Variants in CDH3 observed in about 807,000 individuals in gnomAD.
CDH3 encodes cadherin 3.
CDH3 carries 54 observed loss-of-function variants against 82.0 expected under a neutral mutation model. The ratio of observed to expected loss-of-function variants is 0.66; its 90% CI spans 0.53 to 0.83. The LOEUF (loss-of-function observed/expected upper bound fraction) is 0.83. CDH3 is among the 40% of genes least tolerant of loss of function. The probability of loss-of-function intolerance (pLI) is 0.00; values close to 1 mark genes in which losing one functional copy is unlikely to be tolerated. For missense variants in CDH3, 1,054 were observed against 1,084.6 expected (o/e 0.97, Z 0.40); for synonymous variants, 446 against 437.9 (o/e 1.02, Z -0.23).
downstream of CDH3, among the ~76,000 whole-genome samples, chr16:68,729,768 A>G (rs1962264846): frequency 6.6e-6 from 1 of 151,668 alleles, no homozygotes; most frequent in South Asian, 2.1e-4. Context: ...AGTAGCTGGG[A>G]CCACAGGTGT....
intron 2 of CDH3, among the ~76,000 whole-genome samples, chr16:68,649,822 C>T (rs1209098394): frequency 6.6e-6 from 1 of 152,004 alleles, no homozygotes; most frequent in Non-Finnish European, 1.5e-5. Flanking sequence ...TCACATGAGG[C>T]CAGGAGTTCA....
At chr16:68,703,348 C>T (rs1236818668), downstream of CDH3, among the ~76,000 whole-genome samples, 1 of 152,166 alleles carries the variant, frequency 6.6e-6, no homozygotes, top group Non-Finnish European at 1.5e-5. Context: ...AGGGAGAAGA[C>T]CCAGCCCGGG....
downstream of CDH3, among the ~76,000 whole-genome samples, chr16:68,703,789 A>G (rs1003639821): frequency 6.6e-6 from 1 of 151,902 alleles, no homozygotes; most frequent in Non-Finnish European, 1.5e-5. Flanking sequence ...TCTACTAAAA[A>G]TTTAAAAATT....
downstream of CDH3, among the ~76,000 whole-genome samples, chr16:68,702,988 G>GC (rs1961915407): frequency 6.6e-6 from 1 of 152,116 alleles, no homozygotes; most frequent in African/African-American, 2.4e-5. Flanking sequence ...TTTGAAAAGT[G>GC]CCCCAATCCC....
chr16:68,700,425 T>G (rs1369210658), downstream of CDH3: 1 of 152,292 alleles, frequency 6.6e-6, no homozygotes, highest in Non-Finnish European at 1.5e-5. Flanking sequence ...GGGATGCTCC[T>G]GCACACTCAG....
intron 2 of CDH3, chr16:68,651,857 C>T (rs999205502): frequency 1.4e-5 from 7 of 490,366 alleles, no homozygotes; most frequent in African/African-American, 1.4e-4. Flanking sequence ...AGCTGTGGAG[C>T]TCTGCCTCCT....
At chr16:68,667,305 G>T (rs967669431) in intron 2 of CDH3, among the ~76,000 whole-genome samples, 4 of 152,166 alleles carry the variant, frequency 2.6e-5, no homozygotes, top group African/African-American at 9.7e-5. Flanking sequence ...CCTAAAGCAA[G>T]CTAGAATAGA....
chr16:68,732,977 G>C, the CDH3 span, among the ~76,000 whole-genome samples: 1 of 151,040 alleles, frequency 6.6e-6, no homozygotes, highest in Non-Finnish European at 1.5e-5. Context: ...GAGCCTGGGG[G>C]AGGGGAGGCT....
downstream of CDH3, among the ~76,000 whole-genome samples, chr16:68,702,918 C>A (rs1346325864): frequency 1.3e-5 from 2 of 152,016 alleles, no homozygotes; most frequent in African/African-American, 2.4e-5. Flanking sequence ...ACCCAGAGAG[C>A]CTTCTCTCTA....
At chr16:68,723,433 G>A (rs1167489520) in intron 2 of CDH3, among the ~76,000 whole-genome samples, 1 of 152,114 alleles carries the variant, frequency 6.6e-6, no homozygotes, top group African/African-American at 2.4e-5. Flanking sequence ...AGGAAAAAAT[G>A]GGATCCTGTG....
At chr16:68,658,009 C>T (rs1960450656) in intron 2 of CDH3, among the ~76,000 whole-genome samples, 1 of 151,964 alleles carries the variant, frequency 6.6e-6, no homozygotes, top group South Asian at 2.1e-4. Flanking sequence ...GAAGTCTCCT[C>T]CTTCAAATTT....
At chr16:68,697,324 T>TA (rs36004703) in intron 15 of CDH3, among the ~76,000 whole-genome samples, 36,009 of 146,574 alleles carry the variant, frequency 0.25, 4,440 homozygotes, top group Admixed American at 0.29. Context: ...ATTCCATCTT[T>TA]AAAAAAAAAA....
chr16:68,720,719 G>T (rs1962152306), intron 1 of CDH3, among the ~76,000 whole-genome samples: 1 of 151,242 alleles, frequency 6.6e-6, no homozygotes, highest in South Asian at 2.1e-4. Context: ...AGGCTCAAGC[G>T]ATTCTCCTGC....
At chr16:68,710,425 T>C (rs551547623) in intron 1 of CDH3, among the ~76,000 whole-genome samples, 54 of 152,326 alleles carry the variant, frequency 3.5e-4, no homozygotes, top group South Asian at 6.2e-4. Context: ...CTGGAGTCAT[T>C]TGTGGTTGTT....
chr16:68,703,753 C>A (rs1961924845), downstream of CDH3, among the ~76,000 whole-genome samples: 1 of 151,422 alleles, frequency 6.6e-6, no homozygotes, highest in Non-Finnish European at 1.5e-5. Context: ...TTGAGACCAC[C>A]CTGCCCAACA....
At chr16:68,685,439 G>GGA in intron 11 of CDH3, 89 bp downstream of exon 11, 10 of 1,408,996 alleles carry the variant, frequency 7.1e-6, no homozygotes, top group Non-Finnish European at 1.0e-5. Flanking sequence ...CCACAGGTGG[G>GGA]AACATGTGTC....
chr16:68,710,850 A>T (rs1374890536), intron 1 of CDH3, among the ~76,000 whole-genome samples: 2 of 149,074 alleles, frequency 1.3e-5, no homozygotes, highest in Non-Finnish European at 3.0e-5. Context: ...GTCTCAGAAG[A>T]AAAAAGGAGA....
chr16:68,732,267 C>T (rs1020947125), downstream of CDH3, among the ~76,000 whole-genome samples: 22 of 152,192 alleles, frequency 1.4e-4, no homozygotes, highest in African/African-American at 3.9e-4. Flanking sequence ...TCCAGTTTCT[C>T]TGGGGATTCC....
intron 2 of CDH3, among the ~76,000 whole-genome samples, chr16:68,672,214 A>G (rs1421937176): frequency 7.0e-6 from 1 of 142,348 alleles, no homozygotes; most frequent in African/African-American, 2.5e-5. Flanking sequence ...ATAAATAAAT[A>G]AAAAATAAAA....
Sources: allele counts gnomAD v4.1 joint callset (sites outside exome capture counted in the v4.1 genomes callset), GRCh38; gene constraint gnomAD v4.1.1; transcripts MANE v1.5; gene names NCBI Gene and HGNC (gene_info 2026-07-23, HGNC 2026-07-21).